CSMD2: variants seen among roughly 807,000 people sequenced by gnomAD.
CSMD2 encodes CUB and sushi domain-containing protein 2.
A neutral mutation model predicts 398.5 loss-of-function variants in CSMD2; 130 were observed. The observed-to-expected ratio is 0.33, with a 90% CI of 0.28 to 0.38. CSMD2 has a LOEUF of 0.38. CSMD2 is among the 10% of genes least tolerant of loss of function. The pLI is 1.00. For synonymous variants in CSMD2, 1,828 were observed against 1,908.5 expected, an observed-to-expected ratio of 0.96 and a Z score of 1.10; for missense variants, 3,829 against 4,764.9, an observed-to-expected ratio of 0.80 and a Z score of 5.78.
At chr1:33,711,423 T>C (rs537866215) in intron 21 of CSMD2, among the ~76,000 whole-genome samples, 56 of 152,296 alleles carry the variant, frequency 3.7e-4, no homozygotes, top group African/African-American at 1.3e-3. Context: ...TGGACAATAA[T>C]AGCATTCTCA....
At chr1:33,918,010 C>T in intron 5 of CSMD2, 84 bp downstream of exon 5, 1 of 1,280,302 alleles carries the variant, frequency 7.8e-7, no homozygotes, top group Non-Finnish European at 1.1e-6. Flanking sequence ...GGCTGCAGGT[C>T]CAGGCACTGA....
chr1:33,818,619 A>G (rs1400004914), intron 9 of CSMD2, among the ~76,000 whole-genome samples: 1 of 152,232 alleles, frequency 6.6e-6, no homozygotes, highest in African/African-American at 2.4e-5. Context: ...CATAGTAGCT[A>G]TGTAGAATCC....
intron 44 of CSMD2, among the ~76,000 whole-genome samples, chr1:33,593,469 A>T (rs963406043): frequency 6.6e-6 from 1 of 152,240 alleles, no homozygotes; most frequent in African/African-American, 2.4e-5. Context: ...GGAAGTTGAA[A>T]GGCATGTCTC....
At chr1:33,984,110 C>T (rs547048773) in intron 3 of CSMD2, among the ~76,000 whole-genome samples, 2 of 151,866 alleles carry the variant, frequency 1.3e-5, no homozygotes, top group Non-Finnish European at 2.9e-5. Context: ...GCCGAGATCG[C>T]GCCACTGCAC....
At chr1:33,724,816 C>T (rs1646474955) in intron 17 of CSMD2, 112 bp from the exon 18 acceptor site, 1 of 977,192 alleles carries the variant, frequency 1.0e-6, no homozygotes. Context: ...GCAGAAGTTG[C>T]CAATTACTGA....
intron 3 of CSMD2, among the ~76,000 whole-genome samples, chr1:34,001,046 G>A (rs564769832): frequency 2.3e-4 from 34 of 145,336 alleles, no homozygotes; most frequent in African/African-American, 8.1e-4. Context: ...AGAGGAGGAG[G>A]AGGAAGAGGA....
At position 33,589,831 on chromosome 1, in the gene CSMD2, C is replaced by T. The variant is rs548723874; in HGVS notation, c.6857-2663G>A. 5.3e-5 allele frequency among the ~76,000 whole-genome samples: 8 copies of T among 152,248 alleles called. No homozygotes were observed. The East Asian group carries it at 1.5e-3, about 29-fold the overall frequency. On this transcript the variant is annotated intron_variant, in intron 44 of 70. Transcript: ENST00000373381. ...AGAACTCTGAATATTCAAGGTTGAC[C>T]TTAGCCGTTAATTATATTTTCCCAG...
At chr1:33,671,455 G>A (rs911125772) in intron 25 of CSMD2, among the ~76,000 whole-genome samples, 15 of 152,090 alleles carry the variant, frequency 9.9e-5, no homozygotes, top group Admixed American at 4.6e-4. Context: ...CTTGCTCTGC[G>A]GGGGCTGGAT....
At chr1:33,735,102 G>A (rs918765892) in intron 15 of CSMD2, among the ~76,000 whole-genome samples, 5 of 152,214 alleles carry the variant, frequency 3.3e-5, no homozygotes, top group Non-Finnish European at 7.3e-5. Flanking sequence ...TCTATTTGGA[G>A]ATGCTTTTAA....
chr1:33,972,525 G>A (rs1438545915), intron 3 of CSMD2, among the ~76,000 whole-genome samples: 1 of 152,168 alleles, frequency 6.6e-6, no homozygotes, highest in East Asian at 1.9e-4. Flanking sequence ...GTAATCACAA[G>A]TGTCCTTATA....
At position 33,514,975 on chromosome 1, in the gene CSMD2, A is replaced by T. The variant is rs1192072669; in HGVS notation, c.*1649T>A. On this transcript the variant is annotated 3_prime_UTR_variant, in exon 71 of 71. Transcript: ENST00000373381. ...CCGCTCCTGCACATTTCTATTTGCT[A>T]TTTCAATATGTGACATGAATCTCTG... 1 of 152,162 alleles carries T rather than the reference A, an allele frequency of 6.6e-6. No homozygotes were observed. The highest frequency in any genetic ancestry group is 1.5e-5 in the Non-Finnish European group (1 of 68,038). 9.4% of individuals were successfully genotyped at this position (152,162 alleles called of 1,614,324 possible).
intron 1 of CSMD2, among the ~76,000 whole-genome samples, chr1:34,104,223 G>A (rs1660300690): frequency 1.3e-5 from 2 of 152,092 alleles, no homozygotes; most frequent in South Asian, 4.1e-4. Context: ...TGGTTTTTAT[G>A]ATATACAGAA....
At chr1:34,149,098 C>T (rs1398651580) in intron 1 of CSMD2, among the ~76,000 whole-genome samples, 2 of 152,162 alleles carry the variant, frequency 1.3e-5, no homozygotes, top group Non-Finnish European at 2.9e-5. Flanking sequence ...TGAATGAATG[C>T]CATCTCTGGG....
At chr1:33,830,164 C>T (rs192145646) in intron 6 of CSMD2, among the ~76,000 whole-genome samples, 209 of 152,326 alleles carry the variant, frequency 1.4e-3, no homozygotes, top group Non-Finnish European at 1.9e-3. Context: ...CAGTGGTTCT[C>T]CCAGCATGCA....
At chr1:33,906,424 G>C (rs138866165) in intron 5 of CSMD2, among the ~76,000 whole-genome samples, 236 of 152,338 alleles carry the variant, frequency 1.5e-3, no homozygotes, top group African/African-American at 5.3e-3. Flanking sequence ...GTGCCAAGAT[G>C]CTGGGAGATC....
At chr1:34,017,394 C>A (rs542763058) in intron 3 of CSMD2, among the ~76,000 whole-genome samples, 1 of 152,294 alleles carries the variant, frequency 6.6e-6, no homozygotes, top group East Asian at 1.9e-4. Context: ...AGTTACTTGT[C>A]TCATTAATTT....
intron 53 of CSMD2, among the ~76,000 whole-genome samples, chr1:33,561,822 G>A (rs1484552577): frequency 6.6e-6 from 1 of 152,166 alleles, no homozygotes; most frequent in African/African-American, 2.4e-5. Context: ...CGCAGCATCT[G>A]TAAACCCCTG....
chr1:34,131,964 C>G (rs1010097440), intron 1 of CSMD2, among the ~76,000 whole-genome samples: 2 of 152,096 alleles, frequency 1.3e-5, no homozygotes, highest in African/African-American at 4.8e-5. Context: ...TTCAGCTTCC[C>G]AAGAGACAAG....
intron 6 of CSMD2, among the ~76,000 whole-genome samples, chr1:33,827,891 T>A (rs1474754814): frequency 6.6e-6 from 1 of 152,184 alleles, no homozygotes; most frequent in East Asian, 1.9e-4. Flanking sequence ...CTGTAAACCT[T>A]CTCCAGGATC....
Sources: gnomAD v4.1 joint callset for allele counts (sites outside exome capture counted in the v4.1 genomes callset) on GRCh38, gnomAD v4.1.1 for gene constraint, MANE v1.5 for transcripts, NCBI Gene and HGNC (gene_info 2026-07-23, HGNC 2026-07-21) for gene names.